CHN2: variants seen among roughly 807,000 people sequenced by gnomAD.
CHN2 encodes the protein chimerin 2, also known as beta-chimaerin.
In CHN2, 35 loss-of-function variants were observed where a neutral mutation model predicts 56.3. That is an observed-to-expected ratio of 0.62 (90% CI 0.47 to 0.82). CHN2 has a LOEUF of 0.82. Among genes scored for constraint, CHN2 ranks in the 40% least tolerant of loss-of-function variants. The pLI is 0.00. For synonymous variants in CHN2, 210 were observed against 212.8 expected, an observed-to-expected ratio of 0.99 and a Z score of 0.12; for missense variants, 491 against 580.5, an observed-to-expected ratio of 0.85 and a Z score of 1.58.
chr7:29,230,971 G>C (rs894605293), intron 1 of CHN2, among the ~76,000 whole-genome samples: 1 of 152,128 alleles, frequency 6.6e-6, no homozygotes, highest in Non-Finnish European at 1.5e-5. Flanking sequence ...ATTTGTATTA[G>C]GCCCGTTTTG....
chr7:29,260,338 A>C (rs1789432438), intron 1 of CHN2, among the ~76,000 whole-genome samples: 1 of 152,174 alleles, frequency 6.6e-6, no homozygotes, highest in African/African-American at 2.4e-5. Context: ...ATAAAATATC[A>C]GGTACTTTAT....
At chr7:29,425,982 G>T (rs572577583) in intron 6 of CHN2, among the ~76,000 whole-genome samples, 1 of 151,938 alleles carries the variant, frequency 6.6e-6, no homozygotes, top group Non-Finnish European at 1.5e-5. Flanking sequence ...AGGCCAAGGC[G>T]GATGGATCAT....
intron 1 of CHN2, among the ~76,000 whole-genome samples, chr7:29,308,191 C>T (rs967758139): frequency 2.0e-5 from 3 of 152,176 alleles, no homozygotes; most frequent in Non-Finnish European, 4.4e-5. Context: ...CCTTATGTTA[C>T]GCTGCACTCT....
chr7:29,459,548 A>G (rs1372487003), intron 6 of CHN2, among the ~76,000 whole-genome samples: 1 of 152,216 alleles, frequency 6.6e-6, no homozygotes, highest in South Asian at 2.1e-4. Context: ...TCAAGATGCA[A>G]TACAACATCT....
chr7:29,471,418 C>T (rs1262937048), intron 6 of CHN2, among the ~76,000 whole-genome samples: 1 of 152,140 alleles, frequency 6.6e-6, no homozygotes, highest in Non-Finnish European at 1.5e-5. Context: ...AGCAGAACAG[C>T]TGGTGGTATC....
chr7:29,366,581 A>G (rs1012384584), intron 2 of CHN2, among the ~76,000 whole-genome samples: 5 of 152,180 alleles, frequency 3.3e-5, no homozygotes, highest in Non-Finnish European at 7.3e-5. Flanking sequence ...CTCTTCCTCT[A>G]CAGGGAGGCA....
At chr7:29,477,580 A>G (rs1786699827) in intron 6 of CHN2, among the ~76,000 whole-genome samples, 4 of 152,330 alleles carry the variant, frequency 2.6e-5, no homozygotes, top group African/African-American at 9.6e-5. Context: ...GAAGGTTGGG[A>G]AAGGACCCTT....
At chr7:29,510,351 A>G (rs1791156872) in intron 12 of CHN2, among the ~76,000 whole-genome samples, 1 of 152,138 alleles carries the variant, frequency 6.6e-6, no homozygotes, top group Non-Finnish European at 1.5e-5. Context: ...AGACAGGAGA[A>G]TTGCTTGAAC....
intron 1 of CHN2, among the ~76,000 whole-genome samples, chr7:29,285,740 C>G (rs977292646): frequency 1.3e-5 from 2 of 152,184 alleles, no homozygotes; most frequent in Non-Finnish European, 1.5e-5. Context: ...TGGTGCATAT[C>G]TTGGATGATC....
chr7:29,398,197 G>A, intron 4 of CHN2, 176 bp from the exon 5 acceptor site: 1 of 468,270 alleles, frequency 2.1e-6, no homozygotes, highest in Non-Finnish European at 3.8e-6. Context: ...ACTTGTGTTT[G>A]GAGCATGTGA....
chr7:29,380,296 A>AC (rs1800395270), intron 3 of CHN2, among the ~76,000 whole-genome samples: 2 of 151,064 alleles, frequency 1.3e-5, no homozygotes, highest in African/African-American at 2.4e-5. Flanking sequence ...CAAAAAAAAA[A>AC]CCCTTACTAT....
intron 1 of CHN2, among the ~76,000 whole-genome samples, chr7:29,320,045 C>T (rs1795224761): frequency 6.6e-6 from 1 of 152,210 alleles, no homozygotes; most frequent in African/African-American, 2.4e-5. Flanking sequence ...CTGCTCAGCA[C>T]TTACATCAGC....
intron 6 of CHN2, among the ~76,000 whole-genome samples, chr7:29,425,666 T>G (rs188953200): frequency 7.9e-5 from 12 of 152,332 alleles, no homozygotes; most frequent in Non-Finnish European, 5.9e-5. Context: ...TTTAATCTTA[T>G]TTTTTCTACT....
rs1002438993 is a variant in CHN2, at chr7:29,205,181, T to C, written c.49+10191T>C. Among the ~76,000 whole-genome samples the C allele has an allele frequency of 3.9e-5, 6 of 152,230 alleles. No individual in the cohort carries two copies. In the East Asian group the frequency reaches 1.2e-3, roughly 29 times the overall value. On this transcript the variant is annotated intron_variant, in intron 1 of 12. Transcript: ENST00000222792. Reference sequence around the variant, plus strand: ...ATCTGTAGTTTCAGCTTGTGCTCCTTCTTACAGGAATGAGTTTCAGCCATT... The same window carrying C: ...ATCTGTAGTTTCAGCTTGTGCTCCTCCTTACAGGAATGAGTTTCAGCCATT...
chr7:29,451,780 G>A (rs999097042), intron 6 of CHN2, among the ~76,000 whole-genome samples: 1 of 152,166 alleles, frequency 6.6e-6, no homozygotes, highest in Admixed American at 6.5e-5. Context: ...TCTGTGATTA[G>A]CCCCCCGTCT....
intron 2 of CHN2, among the ~76,000 whole-genome samples, chr7:29,176,780 G>A (rs1267797605): frequency 6.6e-6 from 1 of 152,130 alleles, no homozygotes; most frequent in East Asian, 1.9e-4. Context: ...ACGAGATTGA[G>A]CTGAAATACT....
chr7:29,209,147 C>T (rs769777930), intron 1 of CHN2, among the ~76,000 whole-genome samples: 4 of 151,966 alleles, frequency 2.6e-5, no homozygotes, highest in Non-Finnish European at 5.9e-5. Context: ...GTTGTGACCC[C>T]CTTCCTGGAG....
At chr7:29,489,924 T>A (rs1215391912) in intron 7 of CHN2, among the ~76,000 whole-genome samples, 1 of 152,098 alleles carries the variant, frequency 6.6e-6, no homozygotes, top group Admixed American at 6.5e-5. Context: ...GCCTATCCTG[T>A]TTTTCCTGAA....
At position 29,263,341 on chromosome 7, in the gene CHN2, C is replaced by G. The variant is rs374610880; in HGVS notation, c.49+68351C>G. 1.2e-4 allele frequency among the ~76,000 whole-genome samples: 19 copies of G among 152,296 alleles called. No individual in the cohort carries two copies. The East Asian group carries it at 3.7e-3, about 29-fold the overall frequency. On this transcript the variant is annotated intron_variant, in intron 1 of 12. Transcript: ENST00000222792. The stretch of plus-strand genomic sequence containing the variant: ...TCGCTCACTCAGTGCTCAATGTTGC[C>G]CAGGCTGGAGTGCAGTGGCGTGATC...
Sources: allele counts gnomAD v4.1 joint callset (sites outside exome capture counted in the v4.1 genomes callset), GRCh38; gene constraint gnomAD v4.1.1; transcripts MANE v1.5; gene names NCBI Gene and HGNC (gene_info 2026-07-23, HGNC 2026-07-21).